LMBR1: variants seen among roughly 807,000 people sequenced by gnomAD.
LMBR1 encodes the protein limb region 1 protein homolog.
In LMBR1, 52 loss-of-function variants were observed where a neutral mutation model predicts 73.9. The observed-to-expected ratio is 0.70, with a 90% CI of 0.56 to 0.89. The LOEUF is 0.89. Ranked by LOEUF, LMBR1 falls within the 40% of genes least tolerant of loss-of-function variation. LMBR1 has a pLI of 0.00. For missense variants in LMBR1, 539 were observed against 579.8 expected (o/e 0.93, Z 0.72); for synonymous variants, 215 against 209.4 (o/e 1.03, Z -0.23).
chr7:156,745,140 T>A (rs571786076), intron 9 of LMBR1, among the ~76,000 whole-genome samples: 2 of 152,380 alleles, frequency 1.3e-5, no homozygotes, highest in Non-Finnish European at 2.9e-5. Flanking sequence ...TTATTCTGAC[T>A]ACCACAAAGA....
chr7:156,755,021 G>A lies in LMBR1; in HGVS notation c.757+1372C>T, dbSNP rs577577762. On this transcript the variant is annotated intron_variant, in intron 9 of 16. Transcript: ENST00000353442. ...AAAGATTTTAGACAATCTACCAAAC[G>A]GATGATAAACAGTGCATGGCCTACC... 2.4e-4 allele frequency among the ~76,000 whole-genome samples: 36 copies of A among 152,160 alleles called. No homozygotes were observed. The South Asian group carries it at 2.9e-3, about 12-fold the overall frequency.
chr7:156,704,337 G>C lies in LMBR1; in HGVS notation c.1226-16146C>G, dbSNP rs149629718. The stretch of plus-strand genomic sequence containing the variant: ...CAACAAACCCACAGCTACCACAAAG[G>C]CTATTTATAGCCAAAGAAATCATGC... On this transcript the variant is annotated intron_variant, in intron 15 of 16. Coordinates refer to ENST00000353442, the MANE Select transcript of LMBR1 (RefSeq NM_022458.4). Among the ~76,000 whole-genome samples, 404 of 152,110 alleles carry C rather than the reference G, an allele frequency of 2.7e-3. 2 individuals are homozygous for C. Among genetic ancestry groups the C allele is most frequent in the African/African-American group, 9.3e-3 (387 of 41,490 alleles).
In LMBR1 at chr7:156,725,476, C is replaced by T; in HGVS notation, c.1117G>A (p.Gly373Arg). The change falls in exon 14 of 17, where the codon GGA becomes AGA. Residue 373 changes from glycine to arginine, a missense_variant. By Grantham distance (125) the Gly-to-Arg change is moderately radical (BLOSUM62 -2). Coordinates refer to ENST00000353442, the MANE Select transcript of LMBR1 (RefSeq NM_022458.4). Reference protein sequence around the residue: ...VVGFYSLRFFGNFTPKKDDTT... With the variant: ...VVGFYSLRFFRNFTPKKDDTT... ...TCATCTTTCTTGGGAGTAAAGTTTC[C>T]AAAAAATCGAAGGCTATAGAAGCCG... The T allele has an allele frequency of 6.2e-7, 1 of 1,609,786 alleles. No individual in the cohort carries two copies. The highest frequency in any genetic ancestry group is 8.5e-7 in the Non-Finnish European group (1 of 1,177,650).
At chr7:156,866,664 G>A (rs1024953253) in intron 1 of LMBR1, among the ~76,000 whole-genome samples, 1 of 132,110 alleles carries the variant, frequency 7.6e-6, no homozygotes. Context: ...AGAGTGCAGT[G>A]GCGCAAACTT....
intron 1 of LMBR1, among the ~76,000 whole-genome samples, chr7:156,866,877 C>G (rs949497978): frequency 4.6e-5 from 7 of 152,298 alleles, no homozygotes; most frequent in Admixed American, 4.6e-4. Flanking sequence ...GCTGGGATTA[C>G]AGGCATGAGC....
At chr7:156,758,020 G>A (rs146007692) in intron 8 of LMBR1, among the ~76,000 whole-genome samples, 129 of 152,332 alleles carry the variant, frequency 8.5e-4, no homozygotes, top group African/African-American at 3.0e-3. Flanking sequence ...CTATGAGGAA[G>A]AAAGGAATAG....
At chr7:156,730,630 T>TA (rs1345995906) in intron 10 of LMBR1, among the ~76,000 whole-genome samples, 1 of 152,150 alleles carries the variant, frequency 6.6e-6, no homozygotes, top group East Asian at 1.9e-4. Flanking sequence ...GGCATTCAAT[T>TA]AAACATTACC....
At chr7:156,876,251 T>C (rs570516582) in intron 1 of LMBR1, among the ~76,000 whole-genome samples, 2 of 152,202 alleles carry the variant, frequency 1.3e-5, no homozygotes, top group East Asian at 3.9e-4. Context: ...TAAAAGGCCT[T>C]GTCCAAAAGG....
chr7:156,693,255 A>T (rs1807598507), intron 15 of LMBR1, among the ~76,000 whole-genome samples: 1 of 145,726 alleles, frequency 6.9e-6, no homozygotes, highest in Non-Finnish European at 1.5e-5. Flanking sequence ...TCAAAGAACA[A>T]GGAATCAGAA....
rs1316754204 is a variant in LMBR1 at position 156,669,956 on chromosome 7, T to C, written n.867-669A>G. 6.6e-6 allele frequency among the ~76,000 whole-genome samples: 1 copy of C among 152,158 alleles called. No homozygotes were observed. The highest frequency in any genetic ancestry group is 1.5e-5 in the Non-Finnish European group (1 of 68,016). On this transcript the variant is annotated intron_variant and non_coding_transcript_variant, in intron 4 of 4. Coordinates refer to the LMBR1 transcript ENST00000430825. The surrounding 1 kb of genome is among the most constrained non-coding windows in gnomAD (Gnocchi z 4.2). ...ATCCCTGTTTAAAAGAAAGAAAACA[T>C]GGGAAAGTGCCATCCAAGTACTAAA... is the stretch of plus-strand genomic sequence containing the variant.
intron 15 of LMBR1, among the ~76,000 whole-genome samples, chr7:156,718,399 C>CA (rs558028024): frequency 0.077 from 9,072 of 118,576 alleles, 290 homozygotes; most frequent in Middle Eastern, 0.11. Context: ...GAATCCATCT[C>CA]AAAAAAAAAA....
chr7:156,688,142 C>T lies in LMBR1; in HGVS notation c.1275G>A (p.Leu425=). ...AGGATAATACAATATAGAAATTTCC[C>T]AGCCAATTAAACCTTCCAAAGTCGC... ...LLGDFGRFNW[L]GNFYIVLSYN... is the part of the protein sequence containing the mutation. Residue 425 remains leucine, a synonymous_variant, in exon 16 of 17, where the codon CTG becomes CTA. Transcript: ENST00000353442. The T allele has an allele frequency of 1.2e-6, 2 of 1,610,294 alleles. No individual in the cohort carries two copies. Among genetic ancestry groups the T allele is most frequent in the Non-Finnish European group, 1.7e-6 (2 of 1,178,704 alleles).
At chr7:156,813,547 T>C (rs553650359) in intron 4 of LMBR1, among the ~76,000 whole-genome samples, 1 of 152,176 alleles carries the variant, frequency 6.6e-6, no homozygotes, top group Non-Finnish European at 1.5e-5. Flanking sequence ...TGCTCCCTAT[T>C]GTGAAATATA....
At chr7:156,735,220 T>C (rs764639250) in intron 9 of LMBR1, among the ~76,000 whole-genome samples, 5 of 152,202 alleles carry the variant, frequency 3.3e-5, no homozygotes, top group South Asian at 2.1e-4. Flanking sequence ...ACTTAAACTA[T>C]TGTAATAATT....
At chr7:156,717,357 A>C (rs1813446862) in intron 15 of LMBR1, among the ~76,000 whole-genome samples, 1 of 152,078 alleles carries the variant, frequency 6.6e-6, no homozygotes, top group East Asian at 1.9e-4. Context: ...GCAGGAGGAC[A>C]CCCGTAAGTA....
intron 1 of LMBR1, among the ~76,000 whole-genome samples, chr7:156,862,494 TAG>T (rs1166734378): frequency 4.1e-5 from 5 of 123,134 alleles, no homozygotes; most frequent in Admixed American, 1.7e-4. Context: ...GAAAATAACA[TAG>T]AAAAAAAAAA....
chr7:156,746,751 T>G lies in LMBR1; in HGVS notation c.757+9642A>C, dbSNP rs79337322. Among the ~76,000 whole-genome samples the G allele has an allele frequency of 3.2e-3, 492 of 152,240 alleles. 10 individuals carry two copies. The East Asian group carries it at 0.056, about 17-fold the overall frequency. On this transcript the variant is annotated intron_variant, in intron 9 of 16. Transcript: ENST00000353442. ...AAATGTAAGCTTTTTTGAGTAAATATTTCATTATAAATGACCAGAAGGAAA... is the reference window on the plus strand; with the variant it reads ...AAATGTAAGCTTTTTTGAGTAAATAGTTCATTATAAATGACCAGAAGGAAA...
At position 156,681,343 on chromosome 7, in the gene LMBR1, A is replaced by T. The variant is rs1355865830; in HGVS notation, c.*2735T>A. 3.3e-6 allele frequency: 1 copy of T among 305,160 alleles called. No homozygotes were observed. The highest frequency in any genetic ancestry group is 2.9e-5 in the South Asian group (1 of 34,498). The allele number at this position is 305,160 out of a possible 1,614,324, so 18.9% of individuals were successfully genotyped here. A position where few individuals can be genotyped will look rare whatever the true frequency, so the allele number is the denominator to read the frequency against. On this transcript the variant is annotated 3_prime_UTR_variant, in exon 17 of 17. Transcript: ENST00000353442. ...GTCCATCTCTACTAACCAGCACCTT[A>T]GTGCAGCAATTTAAGGAGCTAACAT...
intron 4 of LMBR1, among the ~76,000 whole-genome samples, chr7:156,813,849 C>T (rs769198452): frequency 6.6e-6 from 1 of 152,042 alleles, no homozygotes; most frequent in Non-Finnish European, 1.5e-5. Context: ...AGAAAAAACA[C>T]CATCTCTTGA....
Sources: gnomAD v4.1 joint callset for allele counts (sites outside exome capture counted in the v4.1 genomes callset) on GRCh38, gnomAD v4.1.1 for gene constraint, Gnocchi (gnomAD v3.1) non-coding constraint, MANE v1.5 for transcripts, NCBI Gene and HGNC (gene_info 2026-07-23, HGNC 2026-07-21) for gene names.